ACOT11: variants seen among roughly 807,000 people sequenced by gnomAD.
ACOT11 encodes acyl-CoA thioesterase 11.
ACOT11 carries 69 observed loss-of-function variants against 77.5 expected under a neutral mutation model. That is an observed-to-expected ratio of 0.89 (90% CI 0.73 to 1.09). The LOEUF is 1.09. Ranked by LOEUF, ACOT11 falls within the 50% of genes least tolerant of loss-of-function variation. The pLI, the probability that ACOT11 is intolerant of heterozygous loss-of-function variation, is 0.00. For synonymous variants in ACOT11, 279 were observed against 313.0 expected (o/e 0.89, Z 1.15); for missense variants, 766 against 813.7 (o/e 0.94, Z 0.71).
chr1:54,608,872 C>A, intron 15 of ACOT11, 85 bp from the exon 16 acceptor site: 2 of 1,367,774 alleles, frequency 1.5e-6, no homozygotes, highest in Non-Finnish European at 2.1e-6. Context: ...TGACTCACCA[C>A]CAGCCTCGTG....
intron 15 of ACOT11, among the ~76,000 whole-genome samples, chr1:54,629,053 C>T (rs112715197): frequency 0.089 from 8,939 of 100,158 alleles, 1,529 homozygotes; most frequent in African/African-American, 0.28. Context: ...AGCAAGACTC[C>T]GTCTCAAAAA....
chr1:54,582,731 G>A (rs565594013), intron 1 of ACOT11, among the ~76,000 whole-genome samples: 9 of 152,250 alleles, frequency 5.9e-5, no homozygotes, highest in East Asian at 1.9e-4. Flanking sequence ...AGTGGCGGAC[G>A]TGCCCAGGCT....
At chr1:54,598,223 C>G (rs1044684844) in intron 7 of ACOT11, 1 of 152,336 alleles carries the variant, frequency 6.6e-6, no homozygotes, top group African/African-American at 2.4e-5. Context: ...GCCTGATGGT[C>G]AGGGAAGGCT....
rs1644050140 is a variant in ACOT11 at position 54,608,001 on chromosome 1, A to AG, written c.1563dup (p.Tyr522ValfsTer47). 2 of 1,613,430 alleles carry AG rather than the reference A, an allele frequency of 1.2e-6. No individual in the cohort carries two copies. The highest frequency in any genetic ancestry group is 1.7e-6 in the Non-Finnish European group (2 of 1,179,882). Reference sequence around the variant, plus strand: ...CTGCCCACACACCGAGAGACGCCAGAGTACAGACGCGGAGAGACCCTCTGC... The same window carrying AG: ...CTGCCCACACACCGAGAGACGCCAGAGGTACAGACGCGGAGAGACCCTCTGC... On this transcript the variant is annotated frameshift_variant, in exon 15 of 16. Coordinates refer to ENST00000343744, the MANE Select transcript of ACOT11 (RefSeq NM_147161.4). LOFTEE classifies it high-confidence loss of function.
intron 1 of ACOT11, among the ~76,000 whole-genome samples, chr1:54,561,652 G>A (rs1332093061): frequency 1.3e-4 from 17 of 134,048 alleles, no homozygotes; most frequent in African/African-American, 4.1e-4. Flanking sequence ...CCGGGCAGAG[G>A]GGCTCCTCAC....
rs771459556 is a variant in ACOT11 at position 54,604,412 on chromosome 1, T to A, written c.1219T>A (p.Ser407Thr). ...MLVAKDNWVL[S>T]SEISQVRLYT... ...TGTGGCCAAGGACAACTGGGTGCTG[T>A]CCTCGGAGATCAGTCAGGTAGCTGA... Residue 407 changes from serine to threonine, a missense_variant, in exon 12 of 16, where the codon TCC (serine) becomes ACC (threonine). Physicochemically the swap from Ser to Thr is moderately conservative, Grantham distance 58. Coordinates refer to ENST00000343744, the MANE Select transcript of ACOT11 (RefSeq NM_147161.4). The A allele has an allele frequency of 6.2e-7, 1 of 1,614,014 alleles. No individual in the cohort carries two copies. The highest frequency in any genetic ancestry group is 1.1e-5 in the South Asian group (1 of 91,072).
chr1:54,599,130 G>A (rs1643922100), intron 7 of ACOT11, among the ~76,000 whole-genome samples, 166 bp from the exon 8 acceptor site: 1 of 80,998 alleles, frequency 1.2e-5, no homozygotes, highest in Admixed American at 1.8e-4. Flanking sequence ...TGGGCAACAA[G>A]AGTGAAACTC....
At position 54,604,287 on chromosome 1, in the gene ACOT11, G is replaced by T. The variant is rs1340615594; in HGVS notation, c.1153-59G>T. On this transcript the variant is annotated intron_variant, in intron 11 of 15. Transcript: ENST00000343744. ...TCCTCTCTGGCACACCCTTGGCCTT[G>T]GCTCAGGGGCCCTGAAGGAAGGGGG... The T allele has an allele frequency of 1.6e-5, 25 of 1,538,308 alleles. No individual in the cohort carries two copies. The East Asian group carries it at 5.6e-4, about 35-fold the overall frequency.
intron 1 of ACOT11, among the ~76,000 whole-genome samples, chr1:54,575,905 C>T (rs954819527): frequency 6.6e-5 from 10 of 152,274 alleles, no homozygotes; most frequent in South Asian, 2.1e-4. Context: ...GACTGGGTCA[C>T]GCCATGGTGC....
At chr1:54,564,549 G>A (rs939509469) in intron 1 of ACOT11, among the ~76,000 whole-genome samples, 2 of 152,260 alleles carry the variant, frequency 1.3e-5, no homozygotes, top group African/African-American at 4.8e-5. Context: ...AGTGGCCTTG[G>A]GACTTCCTTT....
chr1:54,634,981 C>T lies in ACOT11; in HGVS notation c.*252C>T, dbSNP rs74071870. The T allele has an allele frequency of 5.7e-3, 2,597 of 458,732 alleles. 48 individuals carry two copies. The highest frequency in any genetic ancestry group is 0.047 in the African/African-American group (2,331 of 49,988). 28.4% of individuals were successfully genotyped at this position (458,732 alleles called of 1,614,324 possible). A position where few individuals can be genotyped will look rare whatever the true frequency, so the allele number is the denominator to read the frequency against. On this transcript the variant is annotated 3_prime_UTR_variant, in exon 17 of 17. Transcript: ENST00000371316. ...CTATGATAGCAGTTATCACCACTGC[C>T]GTGAGTATTCCTTCAATAAGGGCTG...
At chr1:54,614,912 A>G (rs368210300), downstream of ACOT11, 9 of 1,577,272 alleles carry the variant, frequency 5.7e-6, no homozygotes, top group African/African-American at 1.4e-5. Flanking sequence ...CTAGGAATAC[A>G]TGACTCCCTG....
In ACOT11 at chr1:54,605,219, C is replaced by G. The variant is rs1363340759; in HGVS notation, c.1370+10C>G. The G allele has an allele frequency of 6.2e-7, 1 of 1,611,612 alleles. No individual in the cohort carries two copies. Among genetic ancestry groups the G allele is most frequent in the African/African-American group, 1.3e-5 (1 of 74,904 alleles). ...GGGACAAGCACTACCGGTGAGGGGCCAGGGTGAGGGCAGGGCAGTGTCCCT... is the reference window on the plus strand; with the variant it reads ...GGGACAAGCACTACCGGTGAGGGGCGAGGGTGAGGGCAGGGCAGTGTCCCT... On this transcript the variant is annotated intron_variant, in intron 13 of 15. Transcript: ENST00000343744.
intron 15 of ACOT11, among the ~76,000 whole-genome samples, chr1:54,619,292 G>A (rs1189079008): frequency 6.6e-6 from 1 of 152,184 alleles, no homozygotes; most frequent in Admixed American, 6.5e-5. Flanking sequence ...GAGAGGGTGG[G>A]GGTCAAGCGT....
At chr1:54,570,355 A>G (rs1653889795) in intron 1 of ACOT11, among the ~76,000 whole-genome samples, 1 of 152,248 alleles carries the variant, frequency 6.6e-6, no homozygotes, top group Admixed American at 6.5e-5. Context: ...TGGCAGTGCC[A>G]GGAGGGAAAG....
intron 1 of ACOT11, among the ~76,000 whole-genome samples, chr1:54,579,907 A>G (rs1243986789): frequency 2.0e-5 from 3 of 152,230 alleles, no homozygotes; most frequent in Non-Finnish European, 4.4e-5. Context: ...GGTAGAAAGC[A>G]CTGTGGAAAC....
chr1:54,593,170 T>G (rs300284), intron 4 of ACOT11, among the ~76,000 whole-genome samples: 57,477 of 152,170 alleles, frequency 0.38, 12,917 homozygotes, highest in Non-Finnish European at 0.52. Context: ...GCTGGGCCAG[T>G]GGTTCCTGAG....
intron 1 of ACOT11, among the ~76,000 whole-genome samples, chr1:54,557,389 C>A: frequency 1.1e-5 from 1 of 93,334 alleles, no homozygotes; most frequent in African/African-American, 5.1e-5. Flanking sequence ...AAGATTCCAT[C>A]TCAAAAAAAA....
rs774404535 is a variant in ACOT11, at chr1:54,609,232, C to T, written c.*120C>T. ...TTCCTGCCTCCCCGTGGGAAGCCTC[C>T]GCCCTGAGGTCCGCTGGCCCACCAC... is the stretch of plus-strand genomic sequence containing the variant. On this transcript the variant is annotated 3_prime_UTR_variant, in exon 16 of 16. Transcript: ENST00000343744. The T allele has an allele frequency of 2.6e-5, 41 of 1,590,612 alleles. No homozygotes were observed. Among genetic ancestry groups the T allele is most frequent in the East Asian group, 9.0e-5 (4 of 44,624 alleles).
Sources: allele counts gnomAD v4.1 joint callset (sites outside exome capture counted in the v4.1 genomes callset), GRCh38; gene constraint gnomAD v4.1.1; transcripts MANE v1.5; gene names NCBI Gene and HGNC (gene_info 2026-07-23, HGNC 2026-07-21).